Variants in SLC35F1 observed in about 807,000 individuals in gnomAD.
SLC35F1 encodes the protein solute carrier family 35 member F1.
SLC35F1 carries 14 observed loss-of-function variants against 48.7 expected under a neutral mutation model. The observed-to-expected ratio is 0.29, with a 90% CI of 0.19 to 0.45. The LOEUF (loss-of-function observed/expected upper bound fraction) is 0.45, where lower values mean the gene tolerates loss of function less well. Among genes scored for constraint, SLC35F1 ranks in the 20% least tolerant of loss-of-function variants. SLC35F1 has a pLI of 1.00. For missense variants in SLC35F1, 404 were observed against 500.0 expected (o/e 0.81, Z 1.83); for synonymous variants, 190 against 202.2 (o/e 0.94, Z 0.51).
intron 2 of SLC35F1, among the ~76,000 whole-genome samples, chr6:118,177,707 C>A (rs966492531): frequency 6.6e-6 from 1 of 151,990 alleles, no homozygotes; most frequent in African/African-American, 2.4e-5. Flanking sequence ...AGTCAATATT[C>A]ATAATTTAAA....
At chr6:118,063,198 C>A (rs913475261) in intron 1 of SLC35F1, among the ~76,000 whole-genome samples, 5 of 152,094 alleles carry the variant, frequency 3.3e-5, no homozygotes, top group African/African-American at 1.2e-4. Context: ...CAGATATCCA[C>A]AGAAATATCC....
chr6:118,122,970 A>G (rs1773575013), intron 1 of SLC35F1, among the ~76,000 whole-genome samples: 4 of 152,194 alleles, frequency 2.6e-5, no homozygotes, highest in Admixed American at 2.6e-4. Flanking sequence ...TGGCTATAGG[A>G]GAGAAGAAAT....
At chr6:118,006,075 GATA>G (rs1288741477) in intron 1 of SLC35F1, among the ~76,000 whole-genome samples, 1 of 152,124 alleles carries the variant, frequency 6.6e-6, no homozygotes, top group African/African-American at 2.4e-5. Flanking sequence ...AAATCTATGA[GATA>G]ATATGTCAAG....
chr6:117,924,485 CGT>C (rs1562239517), intron 1 of SLC35F1, among the ~76,000 whole-genome samples: 101,108 of 144,102 alleles, frequency 0.7, 37,635 homozygotes, highest in South Asian at 0.88. Flanking sequence ...TATGTATATA[CGT>C]ATATACATAT....
chr6:117,983,595 A>G (rs549658746), intron 1 of SLC35F1, among the ~76,000 whole-genome samples: 4 of 152,172 alleles, frequency 2.6e-5, no homozygotes, highest in Non-Finnish European at 4.4e-5. Flanking sequence ...AAAAGAAAAG[A>G]AAAGAAAATT....
At chr6:118,094,733 C>T (rs949937244) in intron 1 of SLC35F1, among the ~76,000 whole-genome samples, 12 of 151,924 alleles carry the variant, frequency 7.9e-5, no homozygotes, top group Admixed American at 2.6e-4. Context: ...TTTGGGAGGG[C>T]GAGGTGAGCA....
At chr6:118,280,395 C>T (rs1375819337) in intron 6 of SLC35F1, among the ~76,000 whole-genome samples, 1 of 152,062 alleles carries the variant, frequency 6.6e-6, no homozygotes, top group Non-Finnish European at 1.5e-5. Flanking sequence ...AAAAAGTGTG[C>T]CGGGTCAGTG....
intron 1 of SLC35F1, among the ~76,000 whole-genome samples, chr6:118,071,751 A>G (rs1219998854): frequency 6.6e-6 from 1 of 152,116 alleles, no homozygotes; most frequent in South Asian, 2.1e-4. Context: ...GAGCGTCTCC[A>G]TTGTCTTTTA....
intron 5 of SLC35F1, among the ~76,000 whole-genome samples, chr6:118,277,253 C>T (rs1199042762): frequency 6.6e-6 from 1 of 152,196 alleles, no homozygotes; most frequent in Non-Finnish European, 1.5e-5. Flanking sequence ...GTGAGAAGAG[C>T]AGGAAGGGTT....
At chr6:117,912,263 T>C (rs1775773071) in intron 1 of SLC35F1, among the ~76,000 whole-genome samples, 1 of 152,212 alleles carries the variant, frequency 6.6e-6, no homozygotes, top group Admixed American at 6.5e-5. Flanking sequence ...TTCAAATTTC[T>C]GAAACCTTTT....
At chr6:118,269,458 G>A (rs937036379) in intron 4 of SLC35F1, among the ~76,000 whole-genome samples, 7 of 151,928 alleles carry the variant, frequency 4.6e-5, no homozygotes, top group African/African-American at 1.7e-4. Context: ...TAGGATCCAA[G>A]GACTCATTTT....
At chr6:118,245,971 C>G (rs117069266) in intron 3 of SLC35F1, among the ~76,000 whole-genome samples, 2,274 of 152,274 alleles carry the variant, frequency 0.015, 27 homozygotes, top group Non-Finnish European at 0.025. Context: ...CCTCTTTGCA[C>G]AATCAGTGGA....
rs1164200446 is a variant in SLC35F1, at chr6:118,005,409, A to C, written c.173+97510A>C. ...GACTTGAAACCATAGTGTCTTCTTT[A>C]TTTATTTTTTCTCTGATGTTACCCA... is the stretch of plus-strand genomic sequence containing the variant. On this transcript the variant is annotated intron_variant, in intron 1 of 7. Transcript: ENST00000360388. Among the ~76,000 whole-genome samples, 6 of 152,056 alleles carry C rather than the reference A, an allele frequency of 3.9e-5. No individual in the cohort carries two copies. The South Asian group carries it at 1.0e-3, about 26-fold the overall frequency.
chr6:118,314,116 C>T lies in SLC35F1; in HGVS notation c.1091C>T (p.Pro364Leu). ...ACCTCCACCTACATAGCCCAGGACC[C>T]CCGAGTGTATAAGCAGTTCCGCAAT... ...SSTSTYIAQD[P>L]RVYKQFRNPS... The change falls in exon 8 of 8, where the codon CCC (proline) becomes CTC (leucine). Residue 364 changes from proline to leucine, a missense_variant. By Grantham distance (98) the Pro-to-Leu change is moderately conservative. Around this residue, in one of 2 missense-constraint regions of SLC35F1, gnomAD observed 306 missense variants for 419.1 expected, o/e 0.73. Coordinates refer to ENST00000360388, the MANE Select transcript of SLC35F1 (RefSeq NM_001029858.4). 6.2e-7 allele frequency: 1 copy of T among 1,614,190 alleles called. No homozygotes were observed. The highest frequency in any genetic ancestry group is 8.5e-7 in the Non-Finnish European group (1 of 1,180,040).
chr6:118,212,899 G>T (rs1775025252), intron 2 of SLC35F1, among the ~76,000 whole-genome samples: 1 of 151,942 alleles, frequency 6.6e-6, no homozygotes, highest in Non-Finnish European at 1.5e-5. Flanking sequence ...ATTAACTTTG[G>T]GAAATCCTAG....
At chr6:118,152,987 A>C (rs1487810439) in intron 1 of SLC35F1, among the ~76,000 whole-genome samples, 1 of 152,198 alleles carries the variant, frequency 6.6e-6, no homozygotes, top group African/African-American at 2.4e-5. Flanking sequence ...AGTACCTGGA[A>C]ATAGGTTAAC....
At chr6:118,245,669 C>A (rs1169251183) in intron 3 of SLC35F1, among the ~76,000 whole-genome samples, 6 of 152,180 alleles carry the variant, frequency 3.9e-5, no homozygotes, top group Non-Finnish European at 8.8e-5. Flanking sequence ...CACCTCCCAG[C>A]CGGCACCCCT....
At chr6:118,220,103 A>C (rs553918238) in intron 2 of SLC35F1, among the ~76,000 whole-genome samples, 2 of 152,290 alleles carry the variant, frequency 1.3e-5, no homozygotes, top group Admixed American at 1.3e-4. Context: ...CTAACGTGGC[A>C]CATGTATACA....
chr6:117,933,095 T>C (rs552261822), intron 1 of SLC35F1, among the ~76,000 whole-genome samples: 65 of 152,336 alleles, frequency 4.3e-4, no homozygotes, highest in African/African-American at 1.4e-3. Flanking sequence ...AAATATGATG[T>C]ATATTGAAGT....
Sources: gnomAD v4.1 joint callset for allele counts (sites outside exome capture counted in the v4.1 genomes callset) on GRCh38, gnomAD v4.1.1 for gene constraint, gnomAD v4.1.1 regional missense constraint, MANE v1.5 for transcripts, NCBI Gene and HGNC (gene_info 2026-07-23, HGNC 2026-07-21) for gene names.